GNAL: variants seen among roughly 807,000 people sequenced by gnomAD.
GNAL encodes G protein subunit alpha L.
In GNAL, 18 loss-of-function variants were observed where a neutral mutation model predicts 55.1. The observed-to-expected ratio is 0.33, with a 90% confidence interval of 0.23 to 0.48. The LOEUF is 0.48. Ranked by LOEUF, GNAL falls within the 20% of genes least tolerant of loss-of-function variation. The pLI, the probability that GNAL is intolerant of heterozygous loss-of-function variation, is 0.99. For missense variants in GNAL, 412 were observed against 614.1 expected (o/e 0.67, Z 3.48); for synonymous variants, 253 against 237.0 (o/e 1.07, Z -0.62).
intron 1 of GNAL, among the ~76,000 whole-genome samples, chr18:11,708,763 T>G (rs1008124532): frequency 1.3e-5 from 2 of 152,264 alleles, no homozygotes; most frequent in African/African-American, 4.8e-5. Flanking sequence ...CTCTTCATTC[T>G]GTTGATTGTT....
intron 6 of GNAL, among the ~76,000 whole-genome samples, chr18:11,863,691 G>C (rs2036198344): frequency 6.6e-6 from 1 of 152,190 alleles, no homozygotes; most frequent in Admixed American, 6.5e-5. Flanking sequence ...TACCAGGGAT[G>C]CCAGCTTTGT....
At chr18:11,871,185 T>C (rs1400288645) in intron 9 of GNAL, among the ~76,000 whole-genome samples, 1 of 152,148 alleles carries the variant, frequency 6.6e-6, no homozygotes, top group East Asian at 1.9e-4. Flanking sequence ...TATATTTTAT[T>C]ACTAGAAGAA....
intron 1 of GNAL, among the ~76,000 whole-genome samples, chr18:11,704,279 G>A (rs1326804062): frequency 6.6e-6 from 1 of 152,196 alleles, no homozygotes; most frequent in East Asian, 1.9e-4. Flanking sequence ...CTAGGACACA[G>A]CCTGGATCAC....
In GNAL at chr18:11,864,530, C is replaced by T. The variant is rs945515828; in HGVS notation, c.778-3C>T. On this transcript the variant is annotated splice_polypyrimidine_tract_variant and splice_region_variant and intron_variant, in intron 6 of 11. Coordinates refer to ENST00000334049, the MANE Select transcript of GNAL (RefSeq NM_182978.4). Reference sequence around the variant, plus strand: ...CAGCTTGTTTCCCTCTTCTTGTTCCCAGGACCTCCTCAGATGCAGAGTTCT... The same window carrying T: ...CAGCTTGTTTCCCTCTTCTTGTTCCTAGGACCTCCTCAGATGCAGAGTTCT... 1 of 1,524,006 alleles carries T rather than the reference C, an allele frequency of 6.6e-7. No individual in the cohort carries two copies. Among genetic ancestry groups the T allele is most frequent in the Non-Finnish European group, 9.1e-7 (1 of 1,097,864 alleles). 94.4% of individuals were successfully genotyped at this position (1,524,006 alleles called of 1,614,324 possible).
At chr18:11,733,435 C>T (rs1163828091) in intron 1 of GNAL, among the ~76,000 whole-genome samples, 1 of 152,208 alleles carries the variant, frequency 6.6e-6, no homozygotes, top group African/African-American at 2.4e-5. Flanking sequence ...GCCAGTTCTC[C>T]AGAGCTGGAG....
intron 4 of GNAL, among the ~76,000 whole-genome samples, chr18:11,797,513 G>A (rs1486696230): frequency 6.6e-6 from 1 of 152,180 alleles, no homozygotes; most frequent in Non-Finnish European, 1.5e-5. Flanking sequence ...AGGCTGAGAG[G>A]CAGGTGGATT....
chr18:11,800,622 A>G (rs1032725793), intron 4 of GNAL, among the ~76,000 whole-genome samples: 3 of 152,104 alleles, frequency 2.0e-5, no homozygotes, highest in East Asian at 1.9e-4. Flanking sequence ...CCCAGGTTGA[A>G]TTTGTTCTTT....
At chr18:11,816,446 G>A (rs916418200) in intron 4 of GNAL, among the ~76,000 whole-genome samples, 16 of 151,902 alleles carry the variant, frequency 1.1e-4, no homozygotes, top group African/African-American at 2.7e-4. Flanking sequence ...ACAGGCGCCC[G>A]CCACCACACC....
At position 11,864,538 on chromosome 18, in the gene GNAL, C is replaced by T. The variant is rs749497534; in HGVS notation, c.783C>T (p.Leu261=). ...TTCCCTCTTCTTGTTCCCAGGACCT[C>T]CTCAGATGCAGAGTTCTGACATCTG... ...LVDYTPTDQD[L]LRCRVLTSGI... The change falls in exon 7 of 12, where the codon CTC becomes CTT. Residue 261 remains leucine (L), a synonymous_variant. Coordinates refer to ENST00000334049, the MANE Select transcript of GNAL (RefSeq NM_182978.4). 1.3e-6 allele frequency: 2 copies of T among 1,552,748 alleles called. No individual in the cohort carries two copies. Among genetic ancestry groups the T allele is most frequent in the Non-Finnish European group, 1.8e-6 (2 of 1,124,018 alleles).
intron 5 of GNAL, chr18:11,851,590 A>C: frequency 4.3e-6 from 7 of 1,613,314 alleles, no homozygotes; most frequent in Non-Finnish European, 5.9e-6. Flanking sequence ...AAAATGCGAT[A>C]AGGAGGAAAA....
intron 1 of GNAL, among the ~76,000 whole-genome samples, chr18:11,698,364 G>T (rs998924761): frequency 6.6e-6 from 1 of 152,056 alleles, no homozygotes; most frequent in Middle Eastern, 3.4e-3. Context: ...GGTGGTGCAC[G>T]CCTGTGATCC....
intron 4 of GNAL, among the ~76,000 whole-genome samples, chr18:11,822,215 G>C (rs1568042771): frequency 6.6e-6 from 1 of 152,164 alleles, no homozygotes; most frequent in African/African-American, 2.4e-5. Context: ...CGCGCCTGTG[G>C]AATCACTTGA....
intron 5 of GNAL, among the ~76,000 whole-genome samples, chr18:11,845,013 G>A (rs1421774737): frequency 6.6e-6 from 1 of 152,014 alleles, no homozygotes; most frequent in Non-Finnish European, 1.5e-5. Context: ...CTACAGGCAT[G>A]TGCCACCACA....
At chr18:11,851,655 G>T in intron 5 of GNAL, 1 of 1,614,032 alleles carries the variant, frequency 6.2e-7, no homozygotes, top group Non-Finnish European at 8.5e-7. Flanking sequence ...TGGAAGTTGC[G>T]AGGATACACG....
At chr18:11,716,664 A>G (rs893488177) in intron 1 of GNAL, among the ~76,000 whole-genome samples, 1 of 152,174 alleles carries the variant, frequency 6.6e-6, no homozygotes, top group African/African-American at 2.4e-5. Flanking sequence ...AGCTAGATAT[A>G]GAGTGTCCAC....
chr18:11,735,584 C>T (rs1296246861), intron 1 of GNAL, among the ~76,000 whole-genome samples: 1 of 151,862 alleles, frequency 6.6e-6, no homozygotes, highest in Non-Finnish European at 1.5e-5. Context: ...AACCTTGCCT[C>T]TACTAAAACT....
Position 11,881,245 on chromosome 18 carries a change from C to G in GNAL, c.*110C>G. 9.1e-7 allele frequency: 1 copy of G among 1,102,706 alleles called. No homozygotes were observed. Among genetic ancestry groups the G allele is most frequent in the Admixed American group, 2.5e-5 (1 of 39,936 alleles). 68.3% of individuals were successfully genotyped at this position (1,102,706 alleles called of 1,614,324 possible). ...AGTTCCATCTCGCTGCCGTCTGTCCCGTTCTGTGTCGACCACCAAGCCTCT... is the reference window on the plus strand; with the variant it reads ...AGTTCCATCTCGCTGCCGTCTGTCCGGTTCTGTGTCGACCACCAAGCCTCT... On this transcript the variant is annotated 3_prime_UTR_variant, in exon 12 of 12. Transcript: ENST00000334049. This position sits in a 1 kb window ranked among gnomAD's most constrained non-coding sequence, Gnocchi z 4.8.
intron 4 of GNAL, among the ~76,000 whole-genome samples, chr18:11,797,711 A>T (rs1049259309): frequency 6.6e-6 from 1 of 151,986 alleles, no homozygotes; most frequent in East Asian, 1.9e-4. Flanking sequence ...GTGAGCCAAG[A>T]TCATGCCATT....
intron 1 of GNAL, chr18:11,746,168 C>T: frequency 1.8e-6 from 1 of 546,810 alleles, no homozygotes; most frequent in East Asian, 5.0e-5. Context: ...AGGCAAATGG[C>T]AAAGTTGCAT....
Sources: gnomAD v4.1 joint callset for allele counts (sites outside exome capture counted in the v4.1 genomes callset) on GRCh38, gnomAD v4.1.1 for gene constraint, Gnocchi (gnomAD v3.1) non-coding constraint, MANE v1.5 for transcripts, NCBI Gene and HGNC (gene_info 2026-07-23, HGNC 2026-07-21) for gene names.